DCX: variants seen among roughly 807,000 people sequenced by gnomAD.
The protein encoded by DCX is neuronal migration protein doublecortin.
In DCX, 4 loss-of-function variants were observed where a neutral mutation model predicts 20.9. That is an observed-to-expected ratio of 0.19 (90% CI 0.09 to 0.44). The LOEUF (loss-of-function observed/expected upper bound fraction) is 0.44. Among genes scored for constraint, DCX ranks in the 20% least tolerant of loss-of-function variants. The pLI is 0.99. For missense variants in DCX, 133 were observed against 296.9 expected (o/e 0.45, Z 4.06); for synonymous variants, 103 against 111.4 (o/e 0.92, Z 0.47).
chrX:111,318,780 A>C (rs2095079928), intron 5 of DCX, among the ~76,000 whole-genome samples: 1 of 110,947 alleles, frequency 9.0e-6, no homozygotes, highest in Admixed American at 9.6e-5. Flanking sequence ...AACAACAGTC[A>C]ATGGGGCCTA....
chrX:111,333,039 G>A lies in DCX; in HGVS notation c.808+12C>T, dbSNP rs1317079757. The A allele has an allele frequency of 1.7e-6, 2 of 1,159,526 alleles. No individual in the cohort carries two copies. Among genetic ancestry groups the A allele is most frequent in the Non-Finnish European group, 1.2e-6 (1 of 849,905 alleles). On this transcript the variant is annotated intron_variant, in intron 4 of 6. Coordinates refer to ENST00000636035, the MANE Select transcript of DCX (RefSeq NM_001195553.2). ...GAACAATGGAGCAATAAAACCCAGT[G>A]GTTATGCTTACCATTTTCATCCAGA...
intron 5 of DCX, among the ~76,000 whole-genome samples, chrX:111,329,507 T>C (rs1416850320): frequency 1.8e-5 from 2 of 111,281 alleles, no homozygotes; most frequent in Non-Finnish European, 3.8e-5. Context: ...GACAACACAG[T>C]GTGGTGAATA....
At chrX:111,316,301 G>A (rs1278246101) in intron 5 of DCX, among the ~76,000 whole-genome samples, 10 of 110,138 alleles carry the variant, frequency 9.1e-5, no homozygotes, top group Non-Finnish European at 3.8e-5. Flanking sequence ...GCGCAATCTC[G>A]GCTCACTGCA....
At chrX:111,411,881 T>C (rs1373723341) in intron 1 of DCX, 1 of 112,036 alleles carries the variant, frequency 8.9e-6, no homozygotes, top group Non-Finnish European at 1.9e-5. Context: ...TCCCCAGGCA[T>C]GCCAGTAAGG....
chrX:111,361,487 T>C (rs140058738), intron 3 of DCX, among the ~76,000 whole-genome samples: 71 of 112,178 alleles, frequency 6.3e-4, no homozygotes, highest in African/African-American at 2.1e-3. Context: ...TCATTTACTC[T>C]CACTTCGAAA....
In DCX at chrX:111,301,443, G is replaced by A. The variant is rs953302108; in HGVS notation, c.*244C>T. ...TGGACTAGCACATTTTGCATCCCTG[G>A]AATGCTGCCCCAAAGGATGGTTATC... On this transcript the variant is annotated 3_prime_UTR_variant, in exon 7 of 7. Coordinates refer to ENST00000636035, the MANE Select transcript of DCX (RefSeq NM_001195553.2). 1 of 431,039 alleles carries A rather than the reference G, an allele frequency of 2.3e-6. No homozygotes were observed. Among genetic ancestry groups the A allele is most frequent in the African/African-American group, 2.5e-5 (1 of 40,289 alleles). 35.5% of individuals were successfully genotyped at this position (431,039 alleles called of 1,213,427 possible).
intron 5 of DCX, among the ~76,000 whole-genome samples, chrX:111,323,208 ATCAG>A (rs769761672): frequency 1.2e-4 from 14 of 112,047 alleles, no homozygotes; most frequent in Non-Finnish European, 2.1e-4. Flanking sequence ...AGGCTTTGGA[ATCAG>A]TCAAAGTTTT....
intron 3 of DCX, among the ~76,000 whole-genome samples, chrX:111,366,138 C>T (rs1924618387): frequency 1.8e-5 from 2 of 112,171 alleles, no homozygotes; most frequent in African/African-American, 3.2e-5. Flanking sequence ...AAACTTAATG[C>T]CAGTCTCTGT....
chrX:111,391,235 G>T (rs1251251100), intron 3 of DCX, among the ~76,000 whole-genome samples: 2 of 110,316 alleles, frequency 1.8e-5, no homozygotes, highest in Non-Finnish European at 3.8e-5. Context: ...CAAGCGTTTG[G>T]CACTTCCCCA....
intron 1 of DCX, among the ~76,000 whole-genome samples, chrX:111,411,470 A>T (rs930531465): frequency 1.5e-4 from 16 of 109,741 alleles, no homozygotes; most frequent in Middle Eastern, 9.3e-3. Flanking sequence ...CTGAGAAAAG[A>T]TGGTCATTTG....
In DCX at chrX:111,295,014, C is replaced by T. The variant is rs750028081; in HGVS notation, c.*6673G>A. ...CAAAAACATTTTAAAGAACTTACCA[C>T]ACGTGGGAAATGCAAAATTCAATAA... On this transcript the variant is annotated 3_prime_UTR_variant, in exon 7 of 7. Transcript: ENST00000636035. 9.8e-5 allele frequency: 11 copies of T among 112,601 alleles called. No homozygotes were observed. The highest frequency in any genetic ancestry group is 1.9e-4 in the Non-Finnish European group (10 of 53,269). The allele number at this position is 112,601 out of a possible 1,213,427, so 9.3% of individuals were successfully genotyped here.
At chrX:111,321,880 G>A (rs2095087360) in intron 5 of DCX, among the ~76,000 whole-genome samples, 1 of 111,932 alleles carries the variant, frequency 8.9e-6, no homozygotes, top group Admixed American at 9.4e-5. Flanking sequence ...AGAAAATAAA[G>A]GGACAGCTTG....
intron 3 of DCX, among the ~76,000 whole-genome samples, chrX:111,367,337 C>T (rs1205705784): frequency 1.8e-5 from 2 of 111,803 alleles, no homozygotes; most frequent in South Asian, 3.8e-4. Flanking sequence ...AAGACTGACC[C>T]TGGTGTGAAA....
At chrX:111,357,874 C>A (rs745310627) in intron 3 of DCX, among the ~76,000 whole-genome samples, 6 of 111,266 alleles carry the variant, frequency 5.4e-5, no homozygotes, top group Non-Finnish European at 7.6e-5. Flanking sequence ...GTCAGCCAGG[C>A]TGGAGTGCAG....
At chrX:111,353,617 T>G (rs900575971) in intron 3 of DCX, among the ~76,000 whole-genome samples, 1 of 111,731 alleles carries the variant, frequency 9.0e-6, no homozygotes, top group Non-Finnish European at 1.9e-5. Flanking sequence ...TATTATTTTA[T>G]AAAATCTATA....
At chrX:111,334,019 C>T (rs1921499283) in intron 3 of DCX, among the ~76,000 whole-genome samples, 1 of 112,163 alleles carries the variant, frequency 8.9e-6, no homozygotes, top group South Asian at 3.8e-4. Flanking sequence ...CATGCTTATA[C>T]CACCTCTTAG....
chrX:111,313,719 A>G (rs1397644109), intron 5 of DCX, among the ~76,000 whole-genome samples: 1 of 111,989 alleles, frequency 8.9e-6, no homozygotes, highest in Non-Finnish European at 1.9e-5. Flanking sequence ...GTGGAATATT[A>G]AAATGGAACA....
intron 3 of DCX, among the ~76,000 whole-genome samples, chrX:111,380,388 G>T (rs1453968978): frequency 9.0e-6 from 1 of 111,512 alleles, no homozygotes; most frequent in Non-Finnish European, 1.9e-5. Flanking sequence ...TGTCCATGTG[G>T]ATATCCAGTT....
chrX:111,300,675 C>A lies in DCX; in HGVS notation c.*1012G>T, dbSNP rs1293249517. 9.3e-6 allele frequency: 1 copy of A among 107,137 alleles called. No homozygotes were observed. The highest frequency in any genetic ancestry group is 1.9e-5 in the Non-Finnish European group (1 of 51,940). The allele number at this position is 107,137 out of a possible 1,213,427, so 8.8% of individuals were successfully genotyped here. On this transcript the variant is annotated 3_prime_UTR_variant, in exon 7 of 7. Coordinates refer to ENST00000636035, the MANE Select transcript of DCX (RefSeq NM_001195553.2). ...TGTTTTTTAGACAAAAGAAAAATCA[C>A]CAGTTTATAAAAAAGGAGCCTGAAG... is the stretch of plus-strand genomic sequence containing the variant.
Sources: gnomAD v4.1 joint callset for allele counts (sites outside exome capture counted in the v4.1 genomes callset) on GRCh38, gnomAD v4.1.1 for gene constraint, MANE v1.5 for transcripts, NCBI Gene and HGNC (gene_info 2026-07-23, HGNC 2026-07-21) for gene names.